TMPRSS6: variants seen among roughly 807,000 people sequenced by gnomAD.
TMPRSS6 encodes transmembrane serine protease 6.
Under a neutral mutation model 101.5 loss-of-function variants are expected in TMPRSS6, and 67 were observed. The ratio of observed to expected loss-of-function variants is 0.66; its 90% CI spans 0.54 to 0.81. The LOEUF (loss-of-function observed/expected upper bound fraction) is 0.81. TMPRSS6 is among the 30% of genes least tolerant of loss of function. The pLI is 0.00. For synonymous variants in TMPRSS6, 453 were observed against 464.9 expected (o/e 0.97, Z 0.33); for missense variants, 1,034 against 1,088.7 (o/e 0.95, Z 0.71).
intron 10 of TMPRSS6, 156 bp downstream of exon 10, chr22:37,084,139 C>A: frequency 1.4e-6 from 1 of 706,668 alleles, no homozygotes. Flanking sequence ...AGGTCAAGGG[C>A]AACAGGCCTG....
intron 13 of TMPRSS6, among the ~76,000 whole-genome samples, chr22:37,072,393 CGATGGATGATGGATG>C (rs1927092805): frequency 3.0e-5 from 1 of 32,788 alleles, no homozygotes; most frequent in African/African-American, 1.2e-4. Context: ...GATGATGGAT[CGATGGATGATGGATG>C]GATGGATGAT....
intron 13 of TMPRSS6, among the ~76,000 whole-genome samples, chr22:37,072,170 AACGGATGATGG>A (rs1927005706): frequency 2.2e-5 from 2 of 89,006 alleles, no homozygotes; most frequent in African/African-American, 4.4e-5. Flanking sequence ...ATGATGGATG[AACGGATGATGG>A]ATGGATGGAT....
Position 37,074,665 on chromosome 22 carries a change from G to A in TMPRSS6, c.1386C>T (p.Val462=). The A allele has an allele frequency of 7.4e-6, 12 of 1,614,174 alleles. No homozygotes were observed. The highest frequency in any genetic ancestry group is 1.3e-5 in the African/African-American group (1 of 75,052). The part of the protein sequence containing the change: ...EFLCSVNGLC[V]PACDGVKDCP... ...AGTCCTTGACCCCATCACAGGCAGGGACACAGAGTCCATTCACAGAACAGA... is the reference window on the plus strand; with the variant it reads ...AGTCCTTGACCCCATCACAGGCAGGAACACAGAGTCCATTCACAGAACAGA... The change falls in exon 12 of 18, where the codon GTC becomes GTT. Residue 462 remains valine, a synonymous_variant. Coordinates refer to ENST00000676104, the MANE Select transcript of TMPRSS6 (RefSeq NM_001374504.1).
At chr22:37,099,250 T>A (rs997295634) in intron 2 of TMPRSS6, among the ~76,000 whole-genome samples, 1 of 152,044 alleles carries the variant, frequency 6.6e-6, no homozygotes, top group Admixed American at 6.5e-5. Context: ...GGGAGCAGCA[T>A]GGGGCACGGG....
In TMPRSS6 at chr22:37,103,873, G is replaced by T. The variant is rs1288485717; in HGVS notation, c.-1-455C>A. Reference sequence around the variant, plus strand: ...TCTGGTTCACGGAGCTTCCCACCACGCCCACACAGTCCATGCACTTAGCCC... The same window carrying T: ...TCTGGTTCACGGAGCTTCCCACCACTCCCACACAGTCCATGCACTTAGCCC... On this transcript the variant is annotated intron_variant, in intron 1 of 17. Coordinates refer to ENST00000676104, the MANE Select transcript of TMPRSS6 (RefSeq NM_001374504.1). The surrounding 1 kb of genome is among the most constrained non-coding windows in gnomAD (Gnocchi z 4.4). Among the ~76,000 whole-genome samples, 1 of 152,026 alleles carries T rather than the reference G, an allele frequency of 6.6e-6. No individual in the cohort carries two copies. The highest frequency in any genetic ancestry group is 2.4e-5 in the African/African-American group (1 of 41,372).
intron 10 of TMPRSS6, among the ~76,000 whole-genome samples, chr22:37,081,703 G>C (rs748083981): frequency 7.9e-5 from 12 of 152,166 alleles, no homozygotes; most frequent in Non-Finnish European, 1.8e-4. Flanking sequence ...TCACCACCCA[G>C]CCACCGCTTG....
chr22:37,089,552 T>G, intron 7 of TMPRSS6, 26 bp downstream of exon 7: 2 of 938,130 alleles, frequency 2.1e-6, no homozygotes, highest in Non-Finnish European at 3.2e-6. Flanking sequence ...CAGCCCTCCC[T>G]CCTGCCCTCC....
In TMPRSS6 at chr22:37,069,457, C is replaced by G. The variant is rs1926688131; in HGVS notation, c.1842-113G>C. 1 of 1,047,784 alleles carries G rather than the reference C, an allele frequency of 9.5e-7. No homozygotes were observed. The highest frequency in any genetic ancestry group is 1.4e-6 in the Non-Finnish European group (1 of 725,878). The allele number at this position is 1,047,784 out of a possible 1,614,324, so 64.9% of individuals were successfully genotyped here. On this transcript the variant is annotated intron_variant, in intron 15 of 17. Transcript: ENST00000676104. The surrounding 1 kb of genome is among the most constrained non-coding windows in gnomAD (Gnocchi z 4.8). ...GATCCCCGCCCGGGACAGTGCCCTC[C>G]ACACCCAGCCCTCCCTTCCCTCCCT...
chr22:37,085,990 A>T (rs1262967248), intron 8 of TMPRSS6, among the ~76,000 whole-genome samples: 1 of 151,698 alleles, frequency 6.6e-6, no homozygotes, highest in Non-Finnish European at 1.5e-5. Flanking sequence ...CAGAAAAGAG[A>T]AAAGGAGAGA....
At chr22:37,104,174 T>C (rs570122417) in intron 1 of TMPRSS6, among the ~76,000 whole-genome samples, 2 of 152,242 alleles carry the variant, frequency 1.3e-5, no homozygotes, top group South Asian at 2.1e-4. Flanking sequence ...TCTGCACCCA[T>C]TGAACAGATA....
intron 10 of TMPRSS6, among the ~76,000 whole-genome samples, chr22:37,078,704 AGGAAGGAGGAGGC>A (rs758681863): frequency 0.085 from 8,882 of 104,190 alleles, 521 homozygotes; most frequent in African/African-American, 0.21. Context: ...GAAGAGGAAG[AGGAAGGAGGAGGC>A]GGAGGAGAAG....
intron 10 of TMPRSS6, chr22:37,083,180 A>G: frequency 2.3e-6 from 1 of 428,832 alleles, no homozygotes; most frequent in Non-Finnish European, 4.8e-6. Context: ...CAGAGGCCCA[A>G]CCTGCGATGA....
chr22:37,068,243 T>A (rs1013720331), intron 16 of TMPRSS6, among the ~76,000 whole-genome samples: 10 of 152,096 alleles, frequency 6.6e-5, no homozygotes, highest in African/African-American at 2.4e-4. Context: ...ACTGAATGAG[T>A]GAAGGAATAG....
chr22:37,101,184 C>T lies in TMPRSS6; in HGVS notation c.202+2032G>A, dbSNP rs115851604. Among the ~76,000 whole-genome samples the T allele has an allele frequency of 0.016, 2,484 of 151,740 alleles. 72 individuals are homozygous for T. Among genetic ancestry groups the T allele is most frequent in the African/African-American group, 0.057 (2,361 of 41,322 alleles). ...TGGGCCATTGTGTGGGCAGAGGGGG[C>T]GGGATCGGGGTCCCAGGAGGAGTGC... On this transcript the variant is annotated intron_variant, in intron 2 of 17. Transcript: ENST00000676104. This position sits in a 1 kb window ranked among gnomAD's most constrained non-coding sequence, Gnocchi z 4.1.
rs778717629 is a variant in TMPRSS6, at chr22:37,074,631, C to T, written c.1420G>A (p.Gly474Ser). The T allele has an allele frequency of 8.7e-6, 14 of 1,614,200 alleles. No homozygotes were observed. The South Asian group carries it at 9.9e-5, about 11-fold the overall frequency. The change falls in exon 12 of 18, where the codon GGC becomes AGC. Residue 474 changes from glycine to serine, a missense_variant. Gly to Ser is a moderately conservative substitution (Grantham distance 56). Transcript: ENST00000676104. Reference protein sequence around the residue: ...ACDGVKDCPNGLDERNCVCRA... With the variant: ...ACDGVKDCPNSLDERNCVCRA... The stretch of plus-strand genomic sequence containing the variant: ...TCACCGCAGTTTCTCTCATCCAGGC[C>T]GTTGGGGCAGTCCTTGACCCCATCA...
At chr22:37,084,469 C>T in intron 9 of TMPRSS6, 65 bp from the exon 10 acceptor site, 5 of 1,179,402 alleles carry the variant, frequency 4.2e-6, no homozygotes, top group Non-Finnish European at 6.2e-6. Context: ...AACCCACCTC[C>T]CTAACAACAA....
chr22:37,095,698 G>T, intron 5 of TMPRSS6, 106 bp from the exon 6 acceptor site: 1 of 1,328,920 alleles, frequency 7.5e-7, no homozygotes, highest in Non-Finnish European at 1.0e-6. Context: ...AGCCAGCCTT[G>T]TCTGAGATTT....
At chr22:37,105,085 A>G (rs1167269349) in intron 1 of TMPRSS6, among the ~76,000 whole-genome samples, 1 of 152,210 alleles carries the variant, frequency 6.6e-6, no homozygotes, top group African/African-American at 2.4e-5. Context: ...GTAATGCTCA[A>G]AGTCCTCCCA....
rs769404572 is a variant in TMPRSS6 at position 37,096,633 on chromosome 22, G to A, written c.404+15C>T. 6.4e-7 allele frequency: 1 copy of A among 1,557,886 alleles called. No homozygotes were observed. The highest frequency in any genetic ancestry group is 1.9e-5 in the Admixed American group (1 of 51,626). On this transcript the variant is annotated intron_variant, in intron 4 of 17. Transcript: ENST00000676104. ...AGCTTCTTGCAGGAGCTGGTCAGGG[G>A]CAAGGACAACTCACCCAAAGGAATA...
Sources: gnomAD v4.1 joint callset for allele counts (sites outside exome capture counted in the v4.1 genomes callset) on GRCh38, gnomAD v4.1.1 for gene constraint, Gnocchi (gnomAD v3.1) non-coding constraint, MANE v1.5 for transcripts, NCBI Gene and HGNC (gene_info 2026-07-23, HGNC 2026-07-21) for gene names.